The following SLC13A2 variants were observed in gnomAD, a reference collection of about 807,000 sequenced individuals.
SLC13A2 encodes the protein Na(+)-coupled citrate transporter.
A neutral mutation model predicts 58.5 loss-of-function variants in SLC13A2; 40 were observed. The ratio of observed to expected loss-of-function variants is 0.68; its 90% CI spans 0.53 to 0.89. SLC13A2 has a LOEUF of 0.89. SLC13A2 is among the 40% of genes least tolerant of loss of function. The pLI, the probability that SLC13A2 is intolerant of heterozygous loss-of-function variation, is 0.00. For missense variants in SLC13A2, 694 were observed against 772.6 expected (o/e 0.90, Z 1.21); for synonymous variants, 341 against 331.6 (o/e 1.03, Z -0.31).
At chr17:28,495,534 T>C in intron 9 of SLC13A2, 121 bp from the exon 10 acceptor site, 1 of 975,090 alleles carries the variant, frequency 1.0e-6, no homozygotes, top group Non-Finnish European at 1.5e-6. Flanking sequence ...CCTTTAGAGC[T>C]GTCTTTGACT....
chr17:28,491,663 T>A (rs1288197602), intron 5 of SLC13A2, 46 bp downstream of exon 5: 2 of 1,608,312 alleles, frequency 1.2e-6, no homozygotes, highest in African/African-American at 2.7e-5. Flanking sequence ...GCACATTCAC[T>A]GGGAGGTGAA....
intron 1 of SLC13A2, among the ~76,000 whole-genome samples, chr17:28,487,812 T>C (rs1555602227): frequency 6.6e-6 from 1 of 152,106 alleles, no homozygotes; most frequent in Non-Finnish European, 1.5e-5. Flanking sequence ...AGAGAGGTAG[T>C]AGAGGTTTGG....
intron 2 of SLC13A2, 105 bp from the exon 3 acceptor site, chr17:28,490,349 G>A (rs1357688334): frequency 1.8e-5 from 29 of 1,613,192 alleles, no homozygotes; most frequent in Non-Finnish European, 2.4e-5. Flanking sequence ...GAGCCCAGGG[G>A]AATGCCAGTC....
At position 28,493,729 on chromosome 17, in the gene SLC13A2, G is replaced by A. The variant is rs781987713; in HGVS notation, c.1037G>A (p.Arg346Gln). The change falls in exon 7 of 12, where the codon CGG (arginine) becomes CAG (glutamine). Residue 346 changes from arginine to glutamine, a missense_variant. Physicochemically the swap from Arg to Gln is conservative, Grantham distance 43. Coordinates refer to ENST00000314669, the MANE Select transcript of SLC13A2 (RefSeq NM_003984.4). ...ATCCTGGTGCTGCTCTGGTTCACCC[G>A]GGAGCCGGGCTTTTTTCTTGGCTGG... ...FVILVLLWFTREPGFFLGWGN... is the reference protein window; with the variant it reads ...FVILVLLWFTQEPGFFLGWGN... The A allele has an allele frequency of 1.3e-5, 21 of 1,614,118 alleles. No individual in the cohort carries two copies. The highest frequency in any genetic ancestry group is 2.2e-5 in the East Asian group (1 of 44,902).
Position 28,494,099 on chromosome 17 carries a change from G to A in SLC13A2, c.1180G>A (p.Asp394Asn). ...IPSKFPGLTQDPENPGKLKAP... is the reference protein window; with the variant it reads ...IPSKFPGLTQNPENPGKLKAP... ...CTCCAAGTTCCCAGGGCTGACCCAG[G>A]ACCCAGGTAAGCACCTGGACTGGGG... Residue 394 changes from aspartate to asparagine, a missense_variant, in exon 8 of 12, where the codon GAC becomes AAC. Coordinates refer to ENST00000314669, the MANE Select transcript of SLC13A2 (RefSeq NM_003984.4). This position sits in a 1 kb window ranked among gnomAD's most constrained non-coding sequence, Gnocchi z 4.0. 1 of 1,614,068 alleles carries A rather than the reference G, an allele frequency of 6.2e-7. No homozygotes were observed.
At chr17:28,485,648 C>G (rs1486096692) in intron 1 of SLC13A2, among the ~76,000 whole-genome samples, 3 of 152,158 alleles carry the variant, frequency 2.0e-5, no homozygotes, top group African/African-American at 7.2e-5. Context: ...CAAGGCAAAG[C>G]TAGACCTCTC....
At position 28,473,757 on chromosome 17, in the gene SLC13A2, G is replaced by A; in HGVS notation, c.45G>A (p.Leu15=). 1 of 1,614,174 alleles carries A rather than the reference G, an allele frequency of 6.2e-7. No homozygotes were observed. Among genetic ancestry groups the A allele is most frequent in the East Asian group, 2.2e-5 (1 of 44,870 alleles). ...WQALWAYRSY[L]IVFFVPILLL... ...CCCTGTGGGCCTATCGCTCCTACCT[G>A]ATCGTGTTCTTCGTGCCCATTCTCC... The change falls in exon 1 of 12, where the codon CTG becomes CTA. Residue 15 remains leucine, a synonymous_variant. Coordinates refer to ENST00000314669, the MANE Select transcript of SLC13A2 (RefSeq NM_003984.4).
chr17:28,478,997 C>T (rs1484115576), intron 1 of SLC13A2, among the ~76,000 whole-genome samples: 6 of 152,018 alleles, frequency 3.9e-5, no homozygotes, highest in Admixed American at 6.6e-5. Flanking sequence ...GTGGGTGGAT[C>T]GCTTGAGTTC....
intron 1 of SLC13A2, among the ~76,000 whole-genome samples, chr17:28,484,873 T>C (rs1322833757): frequency 1.3e-5 from 2 of 151,974 alleles, no homozygotes; most frequent in Non-Finnish European, 2.9e-5. Context: ...CTGCCTGAAG[T>C]GGGCTTCCAG....
Position 28,497,652 on chromosome 17 carries a change from T to C in SLC13A2, c.*383T>C, listed in dbSNP as rs1555604903. On this transcript the variant is annotated 3_prime_UTR_variant, in exon 12 of 12. Transcript: ENST00000314669. ...CCAGGTCTTGGTATCCCCAGCTTAG[T>C]GACCAGACTTACTTGCACTGTATTT... 1 of 195,730 alleles carries C rather than the reference T, an allele frequency of 5.1e-6. No individual in the cohort carries two copies. Among genetic ancestry groups the C allele is most frequent in the East Asian group, 1.3e-4 (1 of 7,744 alleles). 12.1% of individuals were successfully genotyped at this position (195,730 alleles called of 1,614,324 possible).
At chr17:28,480,915 G>A (rs996529197) in intron 1 of SLC13A2, among the ~76,000 whole-genome samples, 16 of 152,252 alleles carry the variant, frequency 1.1e-4, no homozygotes, top group Admixed American at 8.5e-4. Context: ...CTGCAGCTGT[G>A]TGGAGGTAGT....
At chr17:28,478,075 A>AG (rs1223355502) in intron 1 of SLC13A2, among the ~76,000 whole-genome samples, 1 of 152,134 alleles carries the variant, frequency 6.6e-6, no homozygotes, top group Admixed American at 6.5e-5. Context: ...AAAAAAAAAA[A>AG]GCCTATGTGT....
At position 28,495,640 on chromosome 17, in the gene SLC13A2, C is replaced by T; in HGVS notation, c.1309-15C>T. ...GCAGCCTTGCCTCTCACATGCCATC[C>T]TCCTCTGCCCACAGCGATCGGGCCT... On this transcript the variant is annotated splice_polypyrimidine_tract_variant and intron_variant, in intron 9 of 11. Transcript: ENST00000314669. 5.0e-6 allele frequency: 8 copies of T among 1,603,052 alleles called. No individual in the cohort carries two copies. Among genetic ancestry groups the T allele is most frequent in the Non-Finnish European group, 6.8e-6 (8 of 1,177,188 alleles).
intron 1 of SLC13A2, among the ~76,000 whole-genome samples, chr17:28,485,263 C>T (rs1462826273): frequency 1.3e-5 from 2 of 152,186 alleles, no homozygotes; most frequent in Non-Finnish European, 2.9e-5. Context: ...CCTTGCACAA[C>T]TCCATATGAG....
chr17:28,477,477 A>G (rs2068706901), intron 1 of SLC13A2, among the ~76,000 whole-genome samples: 1 of 150,888 alleles, frequency 6.6e-6, no homozygotes, highest in Non-Finnish European at 1.5e-5. Flanking sequence ...TACAGGCGTG[A>G]GCCACCATGC....
At chr17:28,490,044 C>T (rs1006441858) in intron 2 of SLC13A2, among the ~76,000 whole-genome samples, 1 of 152,158 alleles carries the variant, frequency 6.6e-6, no homozygotes, top group South Asian at 2.1e-4. Flanking sequence ...GGGGCCAAGG[C>T]GGGTGGATCA....
chr17:28,486,167 T>C (rs1010732744), intron 1 of SLC13A2, among the ~76,000 whole-genome samples: 1 of 152,184 alleles, frequency 6.6e-6, no homozygotes. Context: ...GATCTAAAGT[T>C]GGTATAATAA....
intron 4 of SLC13A2, 127 bp from the exon 5 acceptor site, chr17:28,491,310 T>C: frequency 2.9e-6 from 3 of 1,029,964 alleles, no homozygotes; most frequent in Non-Finnish European, 4.3e-6. Context: ...AGACATCCTC[T>C]GTCCTCCTTC....
In SLC13A2 at chr17:28,494,412, C is replaced by T. The variant is rs542443147; in HGVS notation, c.1208C>T (p.Ala403Val). The T allele has an allele frequency of 6.2e-7, 1 of 1,614,204 alleles. No homozygotes were observed. The highest frequency in any genetic ancestry group is 8.5e-7 in the Non-Finnish European group (1 of 1,180,040). Residue 403 changes from alanine (A) to valine (V), a missense_variant, in exon 9 of 12, where the codon GCC (alanine) becomes GTC (valine). By Grantham distance (64) the Ala-to-Val change is moderately conservative. Coordinates refer to ENST00000314669, the MANE Select transcript of SLC13A2 (RefSeq NM_003984.4). This position sits in a 1 kb window ranked among gnomAD's most constrained non-coding sequence, Gnocchi z 4.0. ...GTAGAAAACCCAGGGAAGCTGAAGG[C>T]CCCTCTTGGCCTCCTCGACTGGAAG... ...QDPENPGKLK[A>V]PLGLLDWKTV...
Sources: allele counts gnomAD v4.1 joint callset (sites outside exome capture counted in the v4.1 genomes callset), GRCh38; gene constraint gnomAD v4.1.1; non-coding constraint Gnocchi (gnomAD v3.1); transcripts MANE v1.5; gene names NCBI Gene and HGNC (gene_info 2026-07-23, HGNC 2026-07-21).